DTNB: variants seen among roughly 807,000 people sequenced by gnomAD.
DTNB encodes the protein dystrobrevin beta.
Under a neutral mutation model 90.7 loss-of-function variants are expected in DTNB, and 63 were observed. That is an observed-to-expected ratio of 0.69 (90% CI 0.57 to 0.86). The LOEUF (loss-of-function observed/expected upper bound fraction) is 0.86. Ranked by LOEUF, DTNB falls within the 40% of genes least tolerant of loss-of-function variation. The pLI is 0.00. For missense variants in DTNB, 744 were observed against 807.1 expected, an observed-to-expected ratio of 0.92 and a Z score of 0.95; for synonymous variants, 277 against 286.7, an observed-to-expected ratio of 0.97 and a Z score of 0.34.
chr2:25,484,682 A>G (rs963488506), intron 9 of DTNB, among the ~76,000 whole-genome samples: 3 of 152,214 alleles, frequency 2.0e-5, no homozygotes, highest in African/African-American at 4.8e-5. Context: ...TTTTTAAGCC[A>G]TAGTACTATG....
At chr2:25,511,465 G>A (rs1316690376) in intron 9 of DTNB, among the ~76,000 whole-genome samples, 1 of 151,978 alleles carries the variant, frequency 6.6e-6, no homozygotes, top group East Asian at 1.9e-4. Context: ...CCAAGTAGCT[G>A]GGATTACAGG....
intron 8 of DTNB, among the ~76,000 whole-genome samples, chr2:25,548,586 G>C (rs2082936051): frequency 6.6e-6 from 1 of 152,120 alleles, no homozygotes; most frequent in Admixed American, 6.6e-5. Flanking sequence ...AGTTTGCCTG[G>C]TGTGTTGAAA....
chr2:25,621,262 C>T (rs1468953069), intron 4 of DTNB, among the ~76,000 whole-genome samples: 1 of 152,164 alleles, frequency 6.6e-6, no homozygotes, highest in East Asian at 1.9e-4. Context: ...TATCTTTTAT[C>T]AGCAACATCC....
At chr2:25,608,501 T>C (rs2067655195) in intron 4 of DTNB, among the ~76,000 whole-genome samples, 1 of 152,222 alleles carries the variant, frequency 6.6e-6, no homozygotes, top group Non-Finnish European at 1.5e-5. Flanking sequence ...TTTTAAAATA[T>C]ATTGTTCTTC....
chr2:25,464,228 T>C (rs1048293858), intron 10 of DTNB, among the ~76,000 whole-genome samples: 4 of 152,142 alleles, frequency 2.6e-5, no homozygotes, highest in African/African-American at 9.7e-5. Context: ...TGATTTCTAA[T>C]ACCATTCTCT....
chr2:25,659,315 AC>A (rs1004961114), intron 1 of DTNB, among the ~76,000 whole-genome samples: 1 of 152,236 alleles, frequency 6.6e-6, no homozygotes, highest in Admixed American at 6.5e-5. Flanking sequence ...TGCACATGAA[AC>A]ATGTACCAAC....
At chr2:25,657,780 ACAAT>A (rs1005713136) in intron 1 of DTNB, among the ~76,000 whole-genome samples, 2 of 152,176 alleles carry the variant, frequency 1.3e-5, no homozygotes, top group African/African-American at 2.4e-5. Flanking sequence ...TTAATCAAAA[ACAAT>A]CAAAAGCTCT....
At chr2:25,641,277 T>C (rs1291432472) in intron 2 of DTNB, among the ~76,000 whole-genome samples, 2 of 152,056 alleles carry the variant, frequency 1.3e-5, no homozygotes. Context: ...CCAAAATAAT[T>C]TGTAAAGAGT....
At chr2:25,521,527 GTGC>G (rs890006341) in intron 9 of DTNB, among the ~76,000 whole-genome samples, 1 of 151,758 alleles carries the variant, frequency 6.6e-6, no homozygotes, top group African/African-American at 2.4e-5. Flanking sequence ...GAGATTACAG[GTGC>G]ATGCAACTGT....
chr2:25,617,803 A>G (rs2071210535), intron 4 of DTNB, among the ~76,000 whole-genome samples: 2 of 152,052 alleles, frequency 1.3e-5, no homozygotes, highest in African/African-American at 4.8e-5. Flanking sequence ...GCTTGAACCC[A>G]TGAGGTGGAG....
chr2:25,532,433 C>G (rs2078417287), intron 8 of DTNB, among the ~76,000 whole-genome samples: 1 of 152,080 alleles, frequency 6.6e-6, no homozygotes, highest in African/African-American at 2.4e-5. Context: ...GATACAGATA[C>G]AGAGTACATT....
chr2:25,498,379 G>T, intron 9 of DTNB, among the ~76,000 whole-genome samples: 1 of 152,060 alleles, frequency 6.6e-6, no homozygotes, highest in Non-Finnish European at 1.5e-5. Flanking sequence ...AAATAAAATG[G>T]GTGCATGTGT....
chr2:25,431,437 A>G (rs564836286), intron 14 of DTNB, among the ~76,000 whole-genome samples: 1 of 152,320 alleles, frequency 6.6e-6, no homozygotes, highest in South Asian at 2.1e-4. Flanking sequence ...AGGCATAGAA[A>G]ACTGTCCCAG....
intron 1 of DTNB, among the ~76,000 whole-genome samples, chr2:25,664,810 TAGG>T (rs1343323469): frequency 6.6e-6 from 1 of 152,108 alleles, no homozygotes; most frequent in Non-Finnish European, 1.5e-5. Flanking sequence ...GTTGCAAAGC[TAGG>T]AATCTGCGGA....
At chr2:25,524,142 C>G (rs2076668733) in intron 9 of DTNB, among the ~76,000 whole-genome samples, 1 of 151,926 alleles carries the variant, frequency 6.6e-6, no homozygotes, top group Admixed American at 6.6e-5. Context: ...CTCAGGTGAT[C>G]CGCCTGCCTC....
chr2:25,662,678 ACAAAC>A (rs1559430771), intron 1 of DTNB, among the ~76,000 whole-genome samples: 311 of 122,822 alleles, frequency 2.5e-3, no homozygotes, highest in African/African-American at 4.1e-3. Flanking sequence ...ACACACACAC[ACAAAC>A]ACACACACAC....
chr2:25,583,531 T>C (rs1216952120), intron 6 of DTNB, among the ~76,000 whole-genome samples: 1 of 151,936 alleles, frequency 6.6e-6, no homozygotes, highest in Non-Finnish European at 1.5e-5. Context: ...TTGTTGTTGT[T>C]TTTTGAGACA....
At position 25,457,167 on chromosome 2, in the gene DTNB, G is replaced by A. The variant is rs539371252; in HGVS notation, c.1080-1673C>T. ...TGGGATTATAGGCGTGCGCCACCAC[G>A]CCCAGCTAATTTTTGTATTTTTAGT... On this transcript the variant is annotated intron_variant, in intron 10 of 20. Coordinates refer to ENST00000406818, the MANE Select transcript of DTNB (RefSeq NM_021907.5). 9.2e-5 allele frequency among the ~76,000 whole-genome samples: 14 copies of A among 151,864 alleles called. No homozygotes were observed. The South Asian group carries it at 2.1e-3, about 23-fold the overall frequency.
chr2:25,388,733 CA>C (rs1284463615), intron 16 of DTNB: 1 of 217,064 alleles, frequency 4.6e-6, no homozygotes, highest in Non-Finnish European at 9.2e-6. Context: ...TTTGCAAACA[CA>C]TTCATGTACA....
Sources: gnomAD v4.1 joint callset for allele counts (sites outside exome capture counted in the v4.1 genomes callset) on GRCh38, gnomAD v4.1.1 for gene constraint, MANE v1.5 for transcripts, NCBI Gene and HGNC (gene_info 2026-07-23, HGNC 2026-07-21) for gene names.